MALRD1: variants seen among roughly 807,000 people sequenced by gnomAD.
MALRD1 encodes MAM and LDL receptor class A domain containing 1, also known as MAM and LDL-receptor class A domain-containing protein 1.
Under a neutral mutation model 242.1 loss-of-function variants are expected in MALRD1, and 247 were observed. The observed-to-expected ratio is 1.02, with a 90% CI of 0.92 to 1.13. The LOEUF is 1.13. Ranked by LOEUF, MALRD1 falls within the 50% of genes most tolerant of loss-of-function variation. The pLI is 0.00. For missense variants in MALRD1, 2,989 were observed against 2,533.1 expected (o/e 1.18, Z -3.86); for synonymous variants, 995 against 866.6 (o/e 1.15, Z -2.60).
intron 28 of MALRD1, among the ~76,000 whole-genome samples, chr10:19,408,386 C>T (rs1332012562): frequency 2.0e-5 from 3 of 152,148 alleles, no homozygotes; most frequent in African/African-American, 4.8e-5. Context: ...TATCAAACTT[C>T]ACACGTGGTT....
At chr10:19,660,531 C>T (rs915377610) in intron 36 of MALRD1, among the ~76,000 whole-genome samples, 2 of 152,102 alleles carry the variant, frequency 1.3e-5, no homozygotes, top group Admixed American at 6.6e-5. Context: ...AGTCATCAGG[C>T]ACCATGTTAA....
At chr10:19,295,309 T>C (rs1305567626) in intron 21 of MALRD1, among the ~76,000 whole-genome samples, 1 of 152,122 alleles carries the variant, frequency 6.6e-6, no homozygotes, top group East Asian at 1.9e-4. Context: ...GAGATGTCTG[T>C]CTTTCTATGT....
Position 19,693,769 on chromosome 10 carries a change from T to A in MALRD1, c.6314+1215T>A, listed in dbSNP as rs555784146. On this transcript the variant is annotated intron_variant, in intron 38 of 39. Coordinates refer to ENST00000454679, the MANE Select transcript of MALRD1 (RefSeq NM_001142308.3). ...CCAAAAAAGAGCCCGCATTGCCAAG[T>A]CAATCCTAAGGCAAAAGAACAAAGC... is the stretch of plus-strand genomic sequence containing the variant. Among the ~76,000 whole-genome samples the A allele has an allele frequency of 2.6e-5, 4 of 152,242 alleles. No individual in the cohort carries two copies. The East Asian group carries it at 5.8e-4, about 22-fold the overall frequency.
chr10:19,193,577 G>A (rs866746937), intron 14 of MALRD1, among the ~76,000 whole-genome samples: 3 of 151,974 alleles, frequency 2.0e-5, no homozygotes, highest in Middle Eastern at 6.8e-3. Flanking sequence ...AAAGAAAAAT[G>A]GAATTATTAA....
chr10:19,272,697 C>T (rs1840309892), intron 19 of MALRD1, among the ~76,000 whole-genome samples: 2 of 152,018 alleles, frequency 1.3e-5, no homozygotes, highest in Non-Finnish European at 2.9e-5. Context: ...CTCCACCCAC[C>T]ACAGGCTCCG....
chr10:19,338,219 TG>T (rs35208999), intron 24 of MALRD1, among the ~76,000 whole-genome samples: 87,990 of 151,728 alleles, frequency 0.58, 25,673 homozygotes, highest in Middle Eastern at 0.61. Context: ...TCACTCTTGG[TG>T]CTGTATGTTC....
chr10:19,692,889 T>TATAAAAA (rs1833166600), intron 38 of MALRD1, among the ~76,000 whole-genome samples: 1 of 25,366 alleles, frequency 3.9e-5, no homozygotes, highest in Non-Finnish European at 8.6e-5. Flanking sequence ...ATATATATAA[T>TATAAAAA]TTCATCCCTG....
intron 18 of MALRD1, among the ~76,000 whole-genome samples, chr10:19,250,840 T>C (rs1383832344): frequency 6.6e-6 from 1 of 151,976 alleles, no homozygotes; most frequent in Non-Finnish European, 1.5e-5. Context: ...TCTCTCAATG[T>C]GTGTATTCTC....
At chr10:19,278,296 A>G (rs1840633843) in intron 19 of MALRD1, among the ~76,000 whole-genome samples, 3 of 152,228 alleles carry the variant, frequency 2.0e-5, no homozygotes, top group African/African-American at 4.8e-5. Flanking sequence ...TGAGCTCATC[A>G]ACCTTTGAAA....
chr10:19,131,934 G>A (rs1833126131), intron 8 of MALRD1, among the ~76,000 whole-genome samples: 3 of 152,114 alleles, frequency 2.0e-5, no homozygotes, highest in Admixed American at 6.6e-5. Context: ...AGTAAGAACA[G>A]AAATAAAATG....
chr10:19,642,359 A>G (rs1564509850), intron 36 of MALRD1, among the ~76,000 whole-genome samples: 1 of 152,150 alleles, frequency 6.6e-6, no homozygotes, highest in Non-Finnish European at 1.5e-5. Context: ...AAACCCATTC[A>G]GAGGTACAGA....
chr10:19,355,081 A>G (rs1323165708), intron 26 of MALRD1, among the ~76,000 whole-genome samples: 1 of 152,046 alleles, frequency 6.6e-6, no homozygotes, highest in East Asian at 1.9e-4. Flanking sequence ...GGGCAGGGGC[A>G]GTGGAATTTG....
chr10:19,203,216 A>G (rs543661787), intron 14 of MALRD1, among the ~76,000 whole-genome samples: 92 of 152,166 alleles, frequency 6.0e-4, no homozygotes, highest in Non-Finnish European at 1.2e-3. Flanking sequence ...TGCACCAATT[A>G]GGCAATGCAT....
intron 36 of MALRD1, among the ~76,000 whole-genome samples, chr10:19,629,301 T>C (rs926467992): frequency 5.3e-5 from 8 of 152,272 alleles, no homozygotes; most frequent in African/African-American, 1.9e-4. Flanking sequence ...TCGCTGGTCA[T>C]TGCTGACAGG....
At chr10:19,408,781 A>T (rs1426504333) in intron 28 of MALRD1, among the ~76,000 whole-genome samples, 1 of 152,208 alleles carries the variant, frequency 6.6e-6, no homozygotes, top group Non-Finnish European at 1.5e-5. Context: ...CGTCAATACC[A>T]AGTGCTTGGG....
chr10:19,331,376 T>A lies in MALRD1; in HGVS notation c.3695T>A (p.Phe1232Tyr). The A allele has an allele frequency of 6.5e-6, 10 of 1,550,340 alleles. No homozygotes were observed. Among genetic ancestry groups the A allele is most frequent in the Non-Finnish European group, 7.8e-6 (9 of 1,146,766 alleles). The change falls in exon 24 of 40, where the codon TTC (phenylalanine) becomes TAC (tyrosine). Residue 1232 changes from phenylalanine (F) to tyrosine (Y), a missense_variant. Coordinates refer to ENST00000454679, the MANE Select transcript of MALRD1 (RefSeq NM_001142308.3). Reference sequence around the variant, plus strand: ...ACTGGCTTTTTTTTTTAGATTGTCTTCAGAGCCAAACGTGGTATCAGTTAC... The same window carrying A: ...ACTGGCTTTTTTTTTTAGATTGTCTACAGAGCCAAACGTGGTATCAGTTAC... ...LGIRSHTQIV[F>Y]RAKRGISYIG...
At chr10:19,188,134 A>G (rs899708182) in intron 14 of MALRD1, among the ~76,000 whole-genome samples, 3 of 152,168 alleles carry the variant, frequency 2.0e-5, no homozygotes, top group Non-Finnish European at 4.4e-5. Flanking sequence ...TTTGAACAGA[A>G]GACTTGCAAG....
intron 18 of MALRD1, among the ~76,000 whole-genome samples, chr10:19,249,529 A>G (rs1018077519): frequency 8.6e-5 from 13 of 152,034 alleles, no homozygotes; most frequent in African/African-American, 3.1e-4. Context: ...AAATACATTA[A>G]GAGCTTATAA....
chr10:19,564,042 G>T (rs867647222), intron 32 of MALRD1, among the ~76,000 whole-genome samples: 6 of 152,326 alleles, frequency 3.9e-5, no homozygotes, highest in Non-Finnish European at 7.3e-5. Context: ...CCCAGAAGCA[G>T]TTGCTGGTGC....
Sources: allele counts gnomAD v4.1 joint callset (sites outside exome capture counted in the v4.1 genomes callset), GRCh38; gene constraint gnomAD v4.1.1; transcripts MANE v1.5; gene names NCBI Gene and HGNC (gene_info 2026-07-23, HGNC 2026-07-21).